TMEM106C: variants seen among roughly 807,000 people sequenced by gnomAD.
TMEM106C encodes the protein transmembrane protein 106C.
Under a neutral mutation model 30.8 loss-of-function variants are expected in TMEM106C, and 27 were observed. The ratio of observed to expected loss-of-function variants is 0.88; its 90% CI spans 0.65 to 1.21. The LOEUF is 1.21. Ranked by LOEUF, TMEM106C falls within the 50% of genes most tolerant of loss-of-function variation. The pLI is 0.00. For synonymous variants in TMEM106C, 123 were observed against 118.8 expected (o/e 1.04, Z -0.23); for missense variants, 288 against 307.8 (o/e 0.94, Z 0.48).
chr12:47,965,911 C>T lies in TMEM106C; in HGVS notation c.325C>T (p.His109Tyr), dbSNP rs764629104. 1.9e-6 allele frequency: 3 copies of T among 1,614,236 alleles called. No individual in the cohort carries two copies. Among genetic ancestry groups the T allele is most frequent in the Non-Finnish European group, 2.5e-6 (3 of 1,180,042 alleles). ...SGLVVFFLFP[H>Y]SVLVDDDGIK... ...TTTGGTGGTTTTCTTCCTGTTTCCG[C>T]ATTCAGTCCTTGTGGATGATGACGG... The change falls in exon 4 of 8, where the codon CAT becomes TAT. Residue 109 changes from histidine to tyrosine, a missense_variant. Transcript: ENST00000429772.
intron 2 of TMEM106C, 72 bp downstream of exon 2, chr12:47,964,495 A>G: frequency 6.7e-7 from 1 of 1,498,922 alleles, no homozygotes; most frequent in East Asian, 2.3e-5. Flanking sequence ...TGCCCAGACA[A>G]CTTTTCTTCT....
chr12:47,965,796 T>C, intron 3 of TMEM106C, 42 bp from the exon 4 acceptor site: 1 of 1,609,054 alleles, frequency 6.2e-7, no homozygotes, highest in Non-Finnish European at 8.5e-7. Context: ...TGAACCTTGA[T>C]ATCTGACTGC....
chr12:47,967,469 C>CA (rs1169349277), intron 7 of TMEM106C, among the ~76,000 whole-genome samples: 2 of 152,204 alleles, frequency 1.3e-5, no homozygotes, highest in Non-Finnish European at 2.9e-5. Context: ...CCTGAGCAGT[C>CA]AAACATTTTC....
chr12:47,968,017 G>A (rs1938298517), intron 7 of TMEM106C, 116 bp from the exon 8 acceptor site: 1 of 687,994 alleles, frequency 1.5e-6, no homozygotes. Flanking sequence ...ATGAGGATAT[G>A]TGCCTGGGGC....
In TMEM106C at chr12:47,968,354, C is replaced by A. The variant is rs765785578; in HGVS notation, c.*125C>A. Reference sequence around the variant, plus strand: ...AGGAGGAATTGGTTCACTTAACTCCCAGCAAACATCCTCCTGCCACTTAGG... The same window carrying A: ...AGGAGGAATTGGTTCACTTAACTCCAAGCAAACATCCTCCTGCCACTTAGG... On this transcript the variant is annotated 3_prime_UTR_variant, in exon 8 of 8. Coordinates refer to ENST00000429772, the MANE Select transcript of TMEM106C (RefSeq NM_001143842.2). The A allele has an allele frequency of 2.0e-4, 150 of 751,878 alleles. 1 individual carries two copies. Among genetic ancestry groups the A allele is most frequent in the Middle Eastern group, 2.5e-4 (1 of 4,008 alleles). 46.6% of individuals were successfully genotyped at this position (751,878 alleles called of 1,614,324 possible).
At chr12:47,964,668 G>A in intron 2 of TMEM106C, 1 of 522,776 alleles carries the variant, frequency 1.9e-6, no homozygotes. Flanking sequence ...GGAACATTCA[G>A]TTCGCTCTGT....
At position 47,964,417 on chromosome 12, in the gene TMEM106C, C is replaced by G. The variant is rs751411380; in HGVS notation, c.181C>G (p.Pro61Ala). The G allele has an allele frequency of 2.5e-6, 4 of 1,613,964 alleles. No homozygotes were observed. Among genetic ancestry groups the G allele is most frequent in the Non-Finnish European group, 3.4e-6 (4 of 1,179,952 alleles). ...CACGTGCCAGGGGACAGGCTACATT[C>G]CAACAGGTGATCATGGAGGGATGAT... Reference protein sequence around the residue: ...CLTCQGTGYIPTEQVNELVAL... With the variant: ...CLTCQGTGYIATEQVNELVAL... The change falls in exon 2 of 8, where the codon CCA (proline) becomes GCA (alanine). Residue 61 changes from proline to alanine, a missense_variant. Coordinates refer to ENST00000429772, the MANE Select transcript of TMEM106C (RefSeq NM_001143842.2).
At chr12:47,965,153 G>A (rs1938180718) in intron 2 of TMEM106C, 129 bp from the exon 3 acceptor site, 2 of 702,162 alleles carry the variant, frequency 2.8e-6, no homozygotes, top group South Asian at 3.8e-5. Flanking sequence ...CCCAACATGT[G>A]AATTTCACTA....
Position 47,968,343 on chromosome 12 carries a change from C to G in TMEM106C, c.*114C>G. ...GGTGTAAGCAGAGGAGGAATTGGTT[C>G]ACTTAACTCCCAGCAAACATCCTCC... On this transcript the variant is annotated 3_prime_UTR_variant, in exon 8 of 8. Transcript: ENST00000429772. 3 of 805,110 alleles carry G rather than the reference C, an allele frequency of 3.7e-6. No individual in the cohort carries two copies. In the South Asian group the frequency reaches 4.2e-5, roughly 11 times the overall value. 49.9% of individuals were successfully genotyped at this position (805,110 alleles called of 1,614,324 possible).
Position 47,968,152 on chromosome 12 carries a change from T to C in TMEM106C, c.676T>C (p.Tyr226His). The change falls in exon 8 of 8, where the codon TAC becomes CAC. Residue 226 changes from tyrosine (Y) to histidine (H), a missense_variant. Transcript: ENST00000429772. Reference sequence around the variant, plus strand: ...CCCTAGAACTTCAGTGAAGATTTCATACATTGGCCTCATGACCCAGAGCTC... The same window carrying C: ...CCCTAGAACTTCAGTGAAGATTTCACACATTGGCCTCATGACCCAGAGCTC... Reference protein sequence around the residue: ...IFMRTSVKISYIGLMTQSSLE... With the variant: ...IFMRTSVKISHIGLMTQSSLE... The C allele has an allele frequency of 6.2e-7, 1 of 1,613,646 alleles. No homozygotes were observed. The highest frequency in any genetic ancestry group is 8.5e-7 in the Non-Finnish European group (1 of 1,179,520).
chr12:47,965,819 T>C lies in TMEM106C; in HGVS notation c.252-19T>C, dbSNP rs1938198827. On this transcript the variant is annotated intron_variant, in intron 3 of 7. Transcript: ENST00000429772. ...GATATCTGACTGCCTGGGTCGGTCA[T>C]GTGCTGTGTCATTTGCAGTAAGCAA... 3 of 1,613,972 alleles carry C rather than the reference T, an allele frequency of 1.9e-6. No homozygotes were observed. Among genetic ancestry groups the C allele is most frequent in the East Asian group, 4.5e-5 (2 of 44,894 alleles).
rs748830868 is a variant in TMEM106C at position 47,966,131 on chromosome 12, G to A, written c.454G>A (p.Val152Met). Residue 152 changes from valine (V) to methionine (M), a missense_variant, in exon 5 of 8, where the codon GTG (valine) becomes ATG (methionine). By Grantham distance (21) the Val-to-Met change is conservative. Transcript: ENST00000429772. ...IRNSNFYTVA[V>M]TSLSSQIQYM... ...GAACTCCAACTTCTACACGGTGGCA[G>A]TGACCAGCCTGTCCAGCCAGATTCA... The A allele has an allele frequency of 1.5e-5, 24 of 1,614,122 alleles. No individual in the cohort carries two copies. The highest frequency in any genetic ancestry group is 1.6e-4 in the Middle Eastern group (1 of 6,084).
chr12:47,965,024 A>G (rs1938175454), intron 2 of TMEM106C, among the ~76,000 whole-genome samples: 1 of 152,238 alleles, frequency 6.6e-6, no homozygotes, highest in Non-Finnish European at 1.5e-5. Context: ...CGACTCTGCC[A>G]AGCCCATGCA....
intron 2 of TMEM106C, chr12:47,964,825 AAG>A (rs1491145372): frequency 6.9e-6 from 2 of 291,512 alleles, no homozygotes; most frequent in Admixed American, 4.9e-5. Context: ...ATATCAGGTC[AAG>A]AGAGAGAGAC....
At chr12:47,964,027 G>A (rs964291924) in intron 1 of TMEM106C, 182 bp from the exon 2 acceptor site, 2 of 588,768 alleles carry the variant, frequency 3.4e-6, no homozygotes, top group African/African-American at 1.9e-5. Flanking sequence ...TGTGTGGCGG[G>A]TAAGAGGAGA....
At chr12:47,965,762 GT>G (rs1938197585) in intron 3 of TMEM106C, 75 bp from the exon 4 acceptor site, 1 of 1,552,614 alleles carries the variant, frequency 6.4e-7, no homozygotes, top group Admixed American at 1.8e-5. Flanking sequence ...CTCTTTCCTG[GT>G]TTTGTGTTTA....
In TMEM106C at chr12:47,968,247, T is replaced by C; in HGVS notation, c.*18T>C. 6.3e-7 allele frequency: 1 copy of C among 1,577,296 alleles called. No individual in the cohort carries two copies. The highest frequency in any genetic ancestry group is 8.7e-7 in the Non-Finnish European group (1 of 1,147,308). ...CTATTTAACAACTGCTATTGGTTCT[T>C]CCACACAGCGCCTGTAGAAGAGAGC... is the stretch of plus-strand genomic sequence containing the variant. On this transcript the variant is annotated 3_prime_UTR_variant, in exon 8 of 8. Transcript: ENST00000429772.
intron 3 of TMEM106C, 129 bp from the exon 4 acceptor site, chr12:47,965,709 G>A (rs975101237): frequency 1.7e-6 from 2 of 1,194,146 alleles, no homozygotes; most frequent in Non-Finnish European, 2.4e-6. Context: ...TTCTTAACTG[G>A]TTTATGGTTC....
intron 6 of TMEM106C, 51 bp from the exon 7 acceptor site, chr12:47,967,157 G>C (rs1306727094): frequency 1.3e-6 from 2 of 1,567,448 alleles, no homozygotes; most frequent in East Asian, 4.5e-5. Context: ...CTCTTCTACT[G>C]AGGCTTTAAA....
Sources: allele counts gnomAD v4.1 joint callset (sites outside exome capture counted in the v4.1 genomes callset), GRCh38; gene constraint gnomAD v4.1.1; transcripts MANE v1.5; gene names NCBI Gene and HGNC (gene_info 2026-07-23, HGNC 2026-07-21).